The following PAIP1 variants were observed in gnomAD, a reference collection of about 807,000 sequenced individuals.
PAIP1 encodes the protein poly(A) binding protein interacting protein 1.
Under a neutral mutation model 61.3 loss-of-function variants are expected in PAIP1, and 16 were observed. The ratio of observed to expected loss-of-function variants is 0.26; its 90% CI spans 0.18 to 0.40. The LOEUF is 0.40. Among genes scored for constraint, PAIP1 ranks in the 10% least tolerant of loss-of-function variants. The pLI is 1.00. For synonymous variants in PAIP1, 187 were observed against 226.2 expected (o/e 0.83, Z 1.56); for missense variants, 416 against 600.9 (o/e 0.69, Z 3.22).
intron 3 of PAIP1, among the ~76,000 whole-genome samples, chr5:43,544,689 A>G (rs896775973): frequency 2.0e-5 from 3 of 151,606 alleles, no homozygotes; most frequent in Non-Finnish European, 4.4e-5. Flanking sequence ...CATAATGCCA[A>G]AAGTGGAAAA....
At chr5:43,556,421 G>A (rs889826360) in intron 1 of PAIP1, 161 bp downstream of exon 1, 14 of 1,221,928 alleles carry the variant, frequency 1.1e-5, no homozygotes, top group Non-Finnish European at 1.4e-5. Flanking sequence ...TCCAAACCCG[G>A]TTCCGGGCCC....
At chr5:43,540,650 A>AT (rs1747362838) in intron 4 of PAIP1, among the ~76,000 whole-genome samples, 1 of 152,256 alleles carries the variant, frequency 6.6e-6, no homozygotes, top group Admixed American at 6.5e-5. Context: ...GTATGTATAT[A>AT]TTTTTTAAAG....
intron 8 of PAIP1, 76 bp from the exon 9 acceptor site, chr5:43,533,868 C>A: frequency 1.1e-6 from 1 of 878,722 alleles, no homozygotes; most frequent in Admixed American, 1.7e-5. Flanking sequence ...TGAAGCATGG[C>A]TGATGTCACC....
chr5:43,556,886 G>A lies in PAIP1; in HGVS notation c.-40C>T. On this transcript the variant is annotated 5_prime_UTR_variant, in exon 1 of 11. Transcript: ENST00000306846. The stretch of plus-strand genomic sequence containing the variant: ...GCCTCCTCCTCCAGGGGCCGCTGCC[G>A]CTGCGCTCGCGATAGGACGCGGGGG... The A allele has an allele frequency of 2.2e-6, 3 of 1,361,648 alleles. No homozygotes were observed. Among genetic ancestry groups the A allele is most frequent in the Non-Finnish European group, 1.9e-6 (2 of 1,061,042 alleles). 84.3% of individuals were successfully genotyped at this position (1,361,648 alleles called of 1,614,324 possible).
chr5:43,542,193 T>A (rs1213743809), intron 4 of PAIP1, among the ~76,000 whole-genome samples: 42 of 139,066 alleles, frequency 3.0e-4, no homozygotes, highest in Admixed American at 8.7e-4. Flanking sequence ...AAAAAAAAAA[T>A]CCCACAAAAG....
intron 4 of PAIP1, among the ~76,000 whole-genome samples, chr5:43,542,533 CAA>C (rs35220672): frequency 5.5e-4 from 34 of 62,136 alleles, no homozygotes; most frequent in South Asian, 3.6e-3. Flanking sequence ...GACTCCATCT[CAA>C]AAAAAAAAAA....
intron 3 of PAIP1, among the ~76,000 whole-genome samples, chr5:43,544,454 G>A (rs546939348): frequency 6.6e-6 from 1 of 151,968 alleles, no homozygotes; most frequent in Admixed American, 6.6e-5. Flanking sequence ...GTTATAACAC[G>A]ATTTAAAGAC....
intron 5 of PAIP1, 104 bp from the exon 6 acceptor site, chr5:43,537,048 C>A: frequency 1.4e-6 from 1 of 700,638 alleles, no homozygotes; most frequent in Non-Finnish European, 2.3e-6. Context: ...TTAGCTAAAT[C>A]ACAAAAGTCA....
intron 3 of PAIP1, 25 bp from the exon 4 acceptor site, chr5:43,543,141 T>C (rs780731918): frequency 6.9e-6 from 8 of 1,164,622 alleles, no homozygotes; most frequent in Non-Finnish European, 1.0e-5. Flanking sequence ...AAAAGTGTTA[T>C]ATGACATAGG....
At chr5:43,540,195 T>A (rs1193737394) in intron 4 of PAIP1, among the ~76,000 whole-genome samples, 1 of 152,188 alleles carries the variant, frequency 6.6e-6, no homozygotes, top group Admixed American at 6.5e-5. Context: ...TCTGTTTAAG[T>A]CAAATGTGGT....
At chr5:43,557,171 C>T (rs1748134011), upstream of PAIP1, 2 of 248,208 alleles carry the variant, frequency 8.1e-6, no homozygotes, top group South Asian at 1.7e-4. Flanking sequence ...CCGGGACGCG[C>T]CCGCGAGGAT....
intron 10 of PAIP1, 122 bp from the exon 11 acceptor site, chr5:43,527,591 T>G: frequency 1.3e-6 from 1 of 770,300 alleles, no homozygotes; most frequent in Non-Finnish European, 1.9e-6. Flanking sequence ...AACACAAGCC[T>G]AACTTTAGAA....
intron 9 of PAIP1, among the ~76,000 whole-genome samples, chr5:43,531,567 G>A (rs1312570434): frequency 6.8e-6 from 1 of 147,562 alleles, no homozygotes; most frequent in Non-Finnish European, 1.5e-5. Context: ...TGAGGCAGGA[G>A]AATTGCTTGA....
chr5:43,554,567 A>T (rs991655680), intron 2 of PAIP1, among the ~76,000 whole-genome samples: 4 of 152,202 alleles, frequency 2.6e-5, no homozygotes, highest in African/African-American at 9.7e-5. Flanking sequence ...TTACTGTCAA[A>T]TATGGAAGGA....
Position 43,556,889 on chromosome 5 carries a change from G to T in PAIP1, c.-43C>A. ...TCCTCCTCCAGGGGCCGCTGCCGCT[G>T]CGCTCGCGATAGGACGCGGGGGGAA... On this transcript the variant is annotated 5_prime_UTR_variant, in exon 1 of 11. Coordinates refer to ENST00000306846, the MANE Select transcript of PAIP1 (RefSeq NM_006451.5). The T allele has an allele frequency of 7.4e-7, 1 of 1,359,384 alleles. No individual in the cohort carries two copies. 84.2% of individuals were successfully genotyped at this position (1,359,384 alleles called of 1,614,324 possible). A position where few individuals can be genotyped will look rare whatever the true frequency, so the allele number is the denominator to read the frequency against.
At chr5:43,539,057 A>G (rs1260831980) in intron 4 of PAIP1, 22 bp from the exon 5 acceptor site, 2 of 1,390,798 alleles carry the variant, frequency 1.4e-6, no homozygotes, top group Non-Finnish European at 1.0e-6. Context: ...CATATCTTTT[A>G]TAATCTCACA....
intron 9 of PAIP1, among the ~76,000 whole-genome samples, chr5:43,531,589 GGAGGTTGCAGTAAGCC>G (rs1333439756): frequency 6.9e-6 from 1 of 145,202 alleles, no homozygotes; most frequent in East Asian, 2.2e-4. Context: ...CTCAGGAGGT[GGAGGTTGCAGTAAGCC>G]GAGGTTGCAT....
chr5:43,530,594 C>T (rs1746894615), intron 9 of PAIP1, among the ~76,000 whole-genome samples: 1 of 152,212 alleles, frequency 6.6e-6, no homozygotes, highest in Non-Finnish European at 1.5e-5. Context: ...CCATGTTCTT[C>T]CAAGACTGTG....
At position 43,537,995 on chromosome 5, in the gene PAIP1, C is replaced by G. The variant is rs1052710226; in HGVS notation, c.846+929G>C. On this transcript the variant is annotated intron_variant, in intron 5 of 10. Transcript: ENST00000306846. ...GGTGACAGAGCGAGACTGTCCCCACCCAAAAAAAAAAAAAAAAAAAAAAAA... is the reference window on the plus strand; with the variant it reads ...GGTGACAGAGCGAGACTGTCCCCACGCAAAAAAAAAAAAAAAAAAAAAAAA... Among the ~76,000 whole-genome samples the G allele has an allele frequency of 5.4e-5, 3 of 55,386 alleles. No individual in the cohort carries two copies. The Admixed American group carries it at 5.9e-4, about 11-fold the overall frequency. 36.3% of individuals were successfully genotyped at this position (55,386 alleles called of 152,430 possible).
Sources: allele counts gnomAD v4.1 joint callset (sites outside exome capture counted in the v4.1 genomes callset), GRCh38; gene constraint gnomAD v4.1.1; transcripts MANE v1.5; gene names NCBI Gene and HGNC (gene_info 2026-07-23, HGNC 2026-07-21).